Variants in PTCHD4 observed in about 807,000 individuals in gnomAD.
The protein encoded by PTCHD4 is patched domain containing 4, also known as patched domain-containing protein 4.
Under a neutral mutation model 58.1 loss-of-function variants are expected in PTCHD4, and 33 were observed. The ratio of observed to expected loss-of-function variants is 0.57; its 90% confidence interval spans 0.43 to 0.76. The LOEUF (loss-of-function observed/expected upper bound fraction) is 0.76, where lower values mean the gene tolerates loss of function less well. Among genes scored for constraint, PTCHD4 ranks in the 30% least tolerant of loss-of-function variants. PTCHD4 has a pLI of 0.00. For missense variants in PTCHD4, 1,058 were observed against 1,027.1 expected, an observed-to-expected ratio of 1.03 and a Z score of -0.41; for synonymous variants, 478 against 409.6, an observed-to-expected ratio of 1.17 and a Z score of -2.02.
chr6:47,949,500 T>C (rs966175385), intron 4 of PTCHD4, among the ~76,000 whole-genome samples: 3 of 152,180 alleles, frequency 2.0e-5, no homozygotes, highest in Non-Finnish European at 4.4e-5. Context: ...TGGCAGGAAA[T>C]GCAAAGCCAC....
chr6:48,010,275 T>C (rs1361986762), intron 3 of PTCHD4, among the ~76,000 whole-genome samples: 2 of 152,090 alleles, frequency 1.3e-5, no homozygotes, highest in African/African-American at 2.4e-5. Flanking sequence ...AACAAGGATA[T>C]AAAGGGGTAA....
chr6:48,008,981 T>G lies in PTCHD4; in HGVS notation c.551A>C (p.Gln184Pro), dbSNP rs1276709807. The G allele has an allele frequency of 3.1e-6, 5 of 1,613,830 alleles. No individual in the cohort carries two copies. In the African/African-American group the frequency reaches 5.3e-5, roughly 17 times the overall value. Residue 184 changes from glutamine (Q) to proline (P), a missense_variant, in exon 4 of 5, where the codon CAA becomes CCA. By Grantham distance (76) the Gln-to-Pro change is moderately conservative. Coordinates refer to ENST00000339488, the MANE Select transcript of PTCHD4 (RefSeq NM_001384253.1). ...YYLQTYGSAT[Q>P]DLIGEKWENE... ...CTCCCACTTCTCCCCTATGAGGTCT[T>G]GGGTGGCAGAGCCATAGGTCTGGAG...
intron 4 of PTCHD4, among the ~76,000 whole-genome samples, chr6:47,978,049 A>G (rs1432276936): frequency 3.3e-5 from 5 of 152,160 alleles, no homozygotes; most frequent in Non-Finnish European, 5.9e-5. Flanking sequence ...TAGAAATAGA[A>G]ACAGGGAAAT....
rs56295592 is a variant in PTCHD4, at chr6:48,069,140, AG to A, written c.-184del. Among the ~76,000 whole-genome samples, 7,668 of 47,176 alleles carry A rather than the reference AG, an allele frequency of 0.16. 430 individuals are homozygous for A. The highest frequency in any genetic ancestry group is 0.22 in the African/African-American group (2,693 of 12,260). The allele number at this position is 47,176 out of a possible 152,430, so 30.9% of individuals were successfully genotyped here. A position where few individuals can be genotyped will look rare whatever the true frequency, so the allele number is the denominator to read the frequency against. On this transcript the variant is annotated 5_prime_UTR_variant, in exon 2 of 5. It removes the in-frame stop codon of an upstream open reading frame in the 5' UTR. Transcript: ENST00000339488. Reference sequence around the variant, plus strand: ...TAAGAAGCAGACATGTGCCCCATAAAGGGGGGGGGGGCTGAGGGGGGGAGAG... The same window carrying A: ...TAAGAAGCAGACATGTGCCCCATAAAGGGGGGGGGGCTGAGGGGGGGAGAG...
intron 3 of PTCHD4, among the ~76,000 whole-genome samples, chr6:48,042,277 TC>T (rs1763874779): frequency 6.6e-6 from 1 of 151,996 alleles, no homozygotes; most frequent in East Asian, 1.9e-4. Flanking sequence ...CTACATAGCT[TC>T]CTATCAGGCA....
At position 47,864,059 on chromosome 6, in the gene PTCHD4, T is replaced by C. The variant is rs1178726968; in HGVS notation, c.*14244A>G. ...ATCCAACTATTCTCAGAATGTCTGTTGCTGTTCACAAACTTAGATTTCAGA... is the reference window on the plus strand; with the variant it reads ...ATCCAACTATTCTCAGAATGTCTGTCGCTGTTCACAAACTTAGATTTCAGA... On this transcript the variant is annotated 3_prime_UTR_variant, in exon 5 of 5. Coordinates refer to ENST00000339488, the MANE Select transcript of PTCHD4 (RefSeq NM_001384253.1). 6.6e-6 allele frequency among the ~76,000 whole-genome samples: 1 copy of C among 151,988 alleles called. No individual in the cohort carries two copies. The highest frequency in any genetic ancestry group is 1.5e-5 in the Non-Finnish European group (1 of 67,930).
At chr6:48,047,643 G>A (rs1250226686) in intron 3 of PTCHD4, among the ~76,000 whole-genome samples, 1 of 151,758 alleles carries the variant, frequency 6.6e-6, no homozygotes, top group Non-Finnish European at 1.5e-5. Flanking sequence ...ATTTGAAGGT[G>A]GGGCCTTTGG....
At position 47,880,110 on chromosome 6, in the gene PTCHD4, T is replaced by C. The variant is rs540234823; in HGVS notation, c.899-174A>G. On this transcript the variant is annotated intron_variant, in intron 4 of 4. Coordinates refer to ENST00000339488, the MANE Select transcript of PTCHD4 (RefSeq NM_001384253.1). ...TTATGGACAGGATACATTTGGTCCC[T>C]GTTTCACTTTAGCAAAGCCCAAATT... Among the ~76,000 whole-genome samples the C allele has an allele frequency of 3.9e-5, 6 of 152,304 alleles. 1 individual carries two copies. In the East Asian group the frequency reaches 1.2e-3, roughly 29 times the overall value.
rs1462126266 is a variant in PTCHD4 at position 47,878,765 on chromosome 6, G to A, written c.2070C>T (p.Thr690=). ...LGNFWLILSV[T]SIELGVLGLM... ...AGCCCAGAACGCCCAGCTCAATTGAGGTGACGCTAAGAATTAGCCAGAAGT... is the reference window on the plus strand; with the variant it reads ...AGCCCAGAACGCCCAGCTCAATTGAAGTGACGCTAAGAATTAGCCAGAAGT... The change falls in exon 5 of 5, where the codon ACC becomes ACT. Residue 690 remains threonine, a synonymous_variant. Transcript: ENST00000339488. 2 of 1,613,640 alleles carry A rather than the reference G, an allele frequency of 1.2e-6. No homozygotes were observed. The highest frequency in any genetic ancestry group is 1.1e-5 in the South Asian group (1 of 91,074).
chr6:47,879,293 A>T lies in PTCHD4; in HGVS notation c.1542T>A (p.Pro514=), dbSNP rs1248766895. The T allele has an allele frequency of 2.5e-6, 4 of 1,612,760 alleles. No individual in the cohort carries two copies. The highest frequency in any genetic ancestry group is 1.7e-5 in the Admixed American group (1 of 59,782). Residue 514 remains proline, a synonymous_variant, in exon 5 of 5, where the codon CCT becomes CCA. Transcript: ENST00000339488. ...VQQKYFSNYS[P]VIGFYVYEPL... ...GCTCATAGACGTAGAATCCTATCAC[A>T]GGGCTATAGTTGCTGAAATATTTCT...
At chr6:47,945,371 C>CT (rs1339217891) in intron 4 of PTCHD4, among the ~76,000 whole-genome samples, 2 of 151,950 alleles carry the variant, frequency 1.3e-5, no homozygotes, top group African/African-American at 4.8e-5. Flanking sequence ...TGAAACAAAA[C>CT]TAACACCTGT....
chr6:48,023,523 T>G (rs1000850490), intron 3 of PTCHD4, among the ~76,000 whole-genome samples: 2 of 152,188 alleles, frequency 1.3e-5, no homozygotes, highest in Admixed American at 6.5e-5. Context: ...TACATAAGCA[T>G]GAATGCAGCT....
chr6:48,104,144 A>G (rs542826705), intron 1 of PTCHD4, among the ~76,000 whole-genome samples: 14 of 152,298 alleles, frequency 9.2e-5, no homozygotes, highest in Admixed American at 5.9e-4. Flanking sequence ...CAAGACACGT[A>G]ATTGTCAGAT....
chr6:47,942,898 G>A (rs1412980967), intron 4 of PTCHD4, among the ~76,000 whole-genome samples: 1 of 152,156 alleles, frequency 6.6e-6, no homozygotes, highest in Non-Finnish European at 1.5e-5. Context: ...AATATGTCAG[G>A]TAACCTAAAA....
chr6:48,028,767 A>T (rs1291965372), intron 3 of PTCHD4, among the ~76,000 whole-genome samples: 1 of 152,040 alleles, frequency 6.6e-6, no homozygotes, highest in Non-Finnish European at 1.5e-5. Flanking sequence ...GTAATCTGAC[A>T]ACTCACCTAA....
intron 4 of PTCHD4, among the ~76,000 whole-genome samples, chr6:47,999,052 A>G (rs952974388): frequency 1.3e-5 from 2 of 152,206 alleles, no homozygotes; most frequent in African/African-American, 2.4e-5. Flanking sequence ...TGCCAAGGAG[A>G]CACAGTTCTA....
intron 4 of PTCHD4, among the ~76,000 whole-genome samples, chr6:47,958,469 G>T (rs963512750): frequency 6.6e-6 from 1 of 152,146 alleles, no homozygotes; most frequent in Non-Finnish European, 1.5e-5. Context: ...AACAAATGAC[G>T]TGAACCCTGC....
chr6:47,903,602 A>G (rs963190744), intron 4 of PTCHD4, among the ~76,000 whole-genome samples: 2 of 152,154 alleles, frequency 1.3e-5, no homozygotes, highest in African/African-American at 4.8e-5. Context: ...GGTATAAGCA[A>G]CCATGCCTGG....
chr6:47,905,592 A>G (rs1306681872), intron 4 of PTCHD4, among the ~76,000 whole-genome samples: 1 of 152,326 alleles, frequency 6.6e-6, no homozygotes, highest in South Asian at 2.1e-4. Flanking sequence ...CCATATGACT[A>G]CTTGGAACAA....
Sources: gnomAD v4.1 joint callset for allele counts (sites outside exome capture counted in the v4.1 genomes callset) on GRCh38, gnomAD v4.1.1 for gene constraint, MANE v1.5 for transcripts, NCBI Gene and HGNC (gene_info 2026-07-23, HGNC 2026-07-21) for gene names.